SGCD: variants seen among roughly 807,000 people sequenced by gnomAD.
SGCD encodes the protein sarcoglycan delta, also known as delta-sarcoglycan.
SGCD carries 18 observed loss-of-function variants against 36.6 expected under a neutral mutation model. The ratio of observed to expected loss-of-function variants is 0.49; its 90% confidence interval spans 0.34 to 0.73. The LOEUF is 0.73. Among genes scored for constraint, SGCD ranks in the 30% least tolerant of loss-of-function variants. The pLI, the probability that SGCD is intolerant of heterozygous loss-of-function variation, is 0.01. For missense variants in SGCD, 387 were observed against 346.7 expected, an observed-to-expected ratio of 1.12 and a Z score of -0.92; for synonymous variants, 133 against 130.6, an observed-to-expected ratio of 1.02 and a Z score of -0.12.
intron 3 of SGCD, among the ~76,000 whole-genome samples, chr5:156,299,374 T>C (rs920638342): frequency 1.3e-5 from 2 of 151,904 alleles, no homozygotes; most frequent in Non-Finnish European, 1.5e-5. Context: ...CAGGTTCTTA[T>C]GGTTTTGTTC....
In SGCD at chr5:156,361,283, G is replaced by A. The variant is rs182659771; in HGVS notation, c.192+16606G>A. 7.9e-5 allele frequency among the ~76,000 whole-genome samples: 12 copies of A among 152,314 alleles called. No individual in the cohort carries two copies. The South Asian group carries it at 8.3e-4, about 11-fold the overall frequency. ...AAATCTTGCACCAAAAGGATGATTC[G>A]GAAAAATCCTGATGTGCACATACAT... is the stretch of plus-strand genomic sequence containing the variant. On this transcript the variant is annotated intron_variant, in intron 3 of 8. Transcript: ENST00000337851.
chr5:156,584,679 A>G (rs2113351168), intron 4 of SGCD, among the ~76,000 whole-genome samples: 1 of 152,160 alleles, frequency 6.6e-6, no homozygotes, highest in East Asian at 1.9e-4. Context: ...CAACATCTCA[A>G]GTCTAATTTG....
intron 4 of SGCD, among the ~76,000 whole-genome samples, chr5:156,534,179 T>TA (rs11371324): frequency 0.022 from 3,327 of 151,878 alleles, 42 homozygotes; most frequent in Non-Finnish European, 0.03. Context: ...CATCATTCTT[T>TA]TTTTTTTTTG....
chr5:156,336,771 GA>G (rs1768377521), intron 2 of SGCD, among the ~76,000 whole-genome samples: 1 of 152,180 alleles, frequency 6.6e-6, no homozygotes, highest in African/African-American at 2.4e-5. Flanking sequence ...ATGAATGAGA[GA>G]ATTGTTTAAC....
At chr5:156,491,014 A>T (rs1013852185) in intron 3 of SGCD, among the ~76,000 whole-genome samples, 2 of 152,134 alleles carry the variant, frequency 1.3e-5, no homozygotes, top group African/African-American at 4.8e-5. Flanking sequence ...AAATTTTTGT[A>T]CAAAAATTAG....
intron 1 of SGCD, among the ~76,000 whole-genome samples, chr5:155,872,518 T>G (rs1455212145): frequency 6.6e-6 from 1 of 152,242 alleles, no homozygotes; most frequent in Non-Finnish European, 1.5e-5. Context: ...AACAGCCAAG[T>G]GACTTTGAAT....
chr5:156,391,556 A>G (rs916502335), intron 3 of SGCD, among the ~76,000 whole-genome samples: 2 of 152,258 alleles, frequency 1.3e-5, no homozygotes, highest in Non-Finnish European at 2.9e-5. Flanking sequence ...TAAACAATAC[A>G]GTGTAATAAC....
At chr5:156,588,431 G>A (rs1162354930) in intron 4 of SGCD, among the ~76,000 whole-genome samples, 1 of 152,280 alleles carries the variant, frequency 6.6e-6, no homozygotes, top group East Asian at 1.9e-4. Context: ...CCTAAGGCAA[G>A]TTTTACACCA....
chr5:155,984,557 C>G (rs981996121), intron 1 of SGCD, among the ~76,000 whole-genome samples: 9 of 152,198 alleles, frequency 5.9e-5, no homozygotes, highest in African/African-American at 2.2e-4. Context: ...TAGAACAGCT[C>G]ACAAAGACTC....
intron 3 of SGCD, among the ~76,000 whole-genome samples, chr5:156,300,360 A>G (rs901874838): frequency 2.0e-5 from 3 of 151,898 alleles, no homozygotes; most frequent in Non-Finnish European, 4.4e-5. Context: ...TTCCCTCTAT[A>G]ATCTCTTCAT....
intron 7 of SGCD, among the ~76,000 whole-genome samples, chr5:156,756,732 C>T (rs1380831380): frequency 6.6e-6 from 1 of 152,168 alleles, no homozygotes; most frequent in Non-Finnish European, 1.5e-5. Context: ...ATTCACTCAT[C>T]TGCAAGTTTT....
At position 156,759,901 on chromosome 5, in the gene SGCD, T is replaced by C. The variant is rs1757468983; in HGVS notation, c.*511T>C. The C allele has an allele frequency of 6.6e-6, 1 of 152,154 alleles. No homozygotes were observed. The highest frequency in any genetic ancestry group is 6.5e-5 in the Admixed American group (1 of 15,278). 9.4% of individuals were successfully genotyped at this position (152,154 alleles called of 1,614,324 possible). On this transcript the variant is annotated 3_prime_UTR_variant, in exon 9 of 9. Coordinates refer to ENST00000337851, the MANE Select transcript of SGCD (RefSeq NM_000337.6). Reference sequence around the variant, plus strand: ...AGGCATTTGATTTCCTGTTTTAGCTTTAGTAAGGCTGGCTAACTTCCCCCT... The same window carrying C: ...AGGCATTTGATTTCCTGTTTTAGCTCTAGTAAGGCTGGCTAACTTCCCCCT...
At chr5:156,285,829 C>T (rs1298461028) in intron 3 of SGCD, among the ~76,000 whole-genome samples, 1 of 152,070 alleles carries the variant, frequency 6.6e-6, no homozygotes, top group Non-Finnish European at 1.5e-5. Context: ...CAAATGGGAT[C>T]TAATTAAACT....
chr5:155,793,245 G>A, the SGCD span, among the ~76,000 whole-genome samples: 1 of 152,208 alleles, frequency 6.6e-6, no homozygotes, highest in South Asian at 2.1e-4. Context: ...AGATGCTGGG[G>A]ACTACTAGGG....
the SGCD span, among the ~76,000 whole-genome samples, chr5:155,795,860 G>A: frequency 6.6e-6 from 1 of 152,272 alleles, no homozygotes; most frequent in South Asian, 2.1e-4. Context: ...CCCTAGAAAA[G>A]TAGATTCTAA....
intron 1 of SGCD, among the ~76,000 whole-genome samples, chr5:156,004,385 G>A (rs1415857134): frequency 6.6e-6 from 1 of 152,150 alleles, no homozygotes; most frequent in Admixed American, 6.5e-5. Flanking sequence ...TGATAATGAT[G>A]ATCCCTTCTA....
At chr5:156,621,235 A>G (rs760589633) in intron 6 of SGCD, among the ~76,000 whole-genome samples, 2 of 152,204 alleles carry the variant, frequency 1.3e-5, no homozygotes, top group Non-Finnish European at 2.9e-5. Flanking sequence ...TCTGTTGCCC[A>G]GGCTGGAGTG....
chr5:155,837,929 ATCTGGATACT>A, the SGCD span, among the ~76,000 whole-genome samples: 3 of 152,206 alleles, frequency 2.0e-5, no homozygotes, highest in African/African-American at 7.2e-5. Flanking sequence ...CAGTGGACAC[ATCTGGATACT>A]TCTGTCTCTT....
chr5:156,196,617 A>G (rs980443622), intron 3 of SGCD, among the ~76,000 whole-genome samples: 3 of 152,238 alleles, frequency 2.0e-5, no homozygotes, highest in Non-Finnish European at 4.4e-5. Context: ...TTTGGAGATC[A>G]ATAAAGTTGG....
Sources: gnomAD v4.1 joint callset for allele counts (sites outside exome capture counted in the v4.1 genomes callset) on GRCh38, gnomAD v4.1.1 for gene constraint, MANE v1.5 for transcripts, NCBI Gene and HGNC (gene_info 2026-07-23, HGNC 2026-07-21) for gene names.